The following SLC11A2 variants were observed in gnomAD, a reference collection of about 807,000 sequenced individuals.
SLC11A2 encodes the protein solute carrier family 11 member 2.
SLC11A2 carries 38 observed loss-of-function variants against 68.0 expected under a neutral mutation model. That is an observed-to-expected ratio of 0.56 (90% CI 0.43 to 0.73). The LOEUF is 0.73. Among genes scored for constraint, SLC11A2 ranks in the 30% least tolerant of loss-of-function variants. SLC11A2 has a pLI of 0.00. For missense variants in SLC11A2, 517 were observed against 690.5 expected (o/e 0.75, Z 2.82); for synonymous variants, 242 against 250.6 (o/e 0.97, Z 0.32).
chr12:51,014,852 CAAAAT>C (rs372719318), intron 1 of SLC11A2, among the ~76,000 whole-genome samples: 2 of 150,574 alleles, frequency 1.3e-5, no homozygotes, highest in African/African-American at 4.9e-5. Context: ...AACTCTGTCT[CAAAAT>C]AAAATAAAAT....
chr12:50,968,374 A>T, the SLC11A2 span, among the ~76,000 whole-genome samples: 1 of 151,970 alleles, frequency 6.6e-6, no homozygotes, highest in African/African-American at 2.4e-5. Context: ...CACTCCAGTT[A>T]CACTGATTCT....
intron 5 of SLC11A2, among the ~76,000 whole-genome samples, chr12:51,004,047 G>A (rs1236325421): frequency 1.3e-5 from 2 of 152,190 alleles, no homozygotes; most frequent in Non-Finnish European, 2.9e-5. Flanking sequence ...TATATATTAT[G>A]GGGCATATGG....
chr12:51,015,906 T>G (rs541467427), intron 1 of SLC11A2, among the ~76,000 whole-genome samples: 192 of 152,278 alleles, frequency 1.3e-3, no homozygotes, highest in African/African-American at 4.4e-3. Flanking sequence ...TGCCTCAGCC[T>G]CCCTAGTAGC....
intron 2 of SLC11A2, chr12:51,009,177 C>T: frequency 6.7e-7 from 1 of 1,500,072 alleles, no homozygotes; most frequent in Non-Finnish European, 8.8e-7. Context: ...GTGCAAGTTA[C>T]AAAATCCTGC....
At chr12:50,999,263 T>C in intron 7 of SLC11A2, 22 bp from the exon 8 acceptor site, 1 of 1,613,832 alleles carries the variant, frequency 6.2e-7, no homozygotes, top group Non-Finnish European at 8.5e-7. Flanking sequence ...AAGGCAGCAG[T>C]GAGCTCAGAG....
intron 1 of SLC11A2, among the ~76,000 whole-genome samples, chr12:51,025,213 G>A (rs1944300714): frequency 6.6e-6 from 1 of 152,140 alleles, no homozygotes; most frequent in Non-Finnish European, 1.5e-5. Flanking sequence ...GAGACTCTGA[G>A]CAAAGAATAA....
intron 9 of SLC11A2, among the ~76,000 whole-genome samples, chr12:50,996,612 C>T (rs888163939): frequency 6.6e-6 from 1 of 151,772 alleles, no homozygotes; most frequent in African/African-American, 2.4e-5. Context: ...TTTAGCCCCA[C>T]CTGCTTTATG....
intron 14 of SLC11A2, among the ~76,000 whole-genome samples, chr12:50,991,227 C>T (rs1188524015): frequency 6.6e-6 from 1 of 152,138 alleles, no homozygotes; most frequent in Non-Finnish European, 1.5e-5. Flanking sequence ...ATTTTATTAA[C>T]GTTCCCAAAA....
At chr12:51,021,147 C>A (rs990643854) in intron 1 of SLC11A2, among the ~76,000 whole-genome samples, 1 of 152,146 alleles carries the variant, frequency 6.6e-6, no homozygotes, top group Non-Finnish European at 1.5e-5. Flanking sequence ...ATTTTAAGTA[C>A]ATGGGACGAT....
chr12:50,992,881 C>T lies in SLC11A2; in HGVS notation c.1126G>A (p.Ala376Thr), dbSNP rs1156352582. The T allele has an allele frequency of 1.2e-6, 2 of 1,614,032 alleles. No individual in the cohort carries two copies. The highest frequency in any genetic ancestry group is 1.1e-5 in the South Asian group (1 of 91,074). The part of the protein sequence containing the change: ...YFGPAALYIW[A>T]VGILAAGQSS... The stretch of plus-strand genomic sequence containing the variant: ...TGTCCTGCAGCCAGGATCCCCACTG[C>T]CCAAATGTAGAGTGCAGCAGGCCCA... The change falls in exon 12 of 16, where the codon GCA (alanine) becomes ACA (threonine). Residue 376 changes from alanine to threonine, a missense_variant. Ala to Thr is a moderately conservative substitution (Grantham distance 58). Coordinates refer to ENST00000262052, the MANE Select transcript of SLC11A2 (RefSeq NM_000617.3).
At chr12:50,979,706 T>C (rs769098557), downstream of SLC11A2, 1 of 380,842 alleles carries the variant, frequency 2.6e-6, no homozygotes, top group Non-Finnish European at 5.2e-6. Context: ...GAAGTAGAAA[T>C]GAGGAAATTT....
the SLC11A2 span, among the ~76,000 whole-genome samples, chr12:50,969,719 A>AG: frequency 6.6e-6 from 1 of 151,466 alleles, no homozygotes. Flanking sequence ...AAAAAAACAA[A>AG]AACAAAACGT....
Position 50,987,978 on chromosome 12 carries a change from A to G in SLC11A2, c.*347T>C, listed in dbSNP as rs932848760. 1 of 1,303,500 alleles carries G rather than the reference A, an allele frequency of 7.7e-7. No individual in the cohort carries two copies. Among genetic ancestry groups the G allele is most frequent in the African/African-American group, 1.5e-5 (1 of 66,568 alleles). 80.7% of individuals were successfully genotyped at this position (1,303,500 alleles called of 1,614,324 possible). On this transcript the variant is annotated 3_prime_UTR_variant, in exon 16 of 16. Transcript: ENST00000262052. ...TAATAAAAAATGTATTGCATTTTCC[A>G]ATTTTTTTTTAACATATAGCCTGGT...
chr12:51,008,217 G>A, intron 3 of SLC11A2: 1 of 274,614 alleles, frequency 3.6e-6, no homozygotes, highest in Non-Finnish European at 6.3e-6. Context: ...AAAAAGATTA[G>A]ATAGACAGAT....
At chr12:50,999,286 C>T (rs1280165059) in intron 7 of SLC11A2, 45 bp from the exon 8 acceptor site, 2 of 1,607,460 alleles carry the variant, frequency 1.2e-6, no homozygotes, top group Admixed American at 3.3e-5. Flanking sequence ...GGTAGACTTC[C>T]CCATCTGCCA....
chr12:50,980,258 AC>A (rs1426267984), downstream of SLC11A2: 1 of 190,620 alleles, frequency 5.2e-6, no homozygotes, highest in African/African-American at 2.4e-5. Context: ...AGTGGCTCAC[AC>A]CTGTAATCCC....
intron 1 of SLC11A2, among the ~76,000 whole-genome samples, chr12:51,021,863 C>CAA (rs1459611186): frequency 6.6e-6 from 1 of 152,026 alleles, no homozygotes; most frequent in Non-Finnish European, 1.5e-5. Flanking sequence ...GCCTGGGTGT[C>CAA]AAAAACGATA....
In SLC11A2 at chr12:50,996,902, C is replaced by A. The variant is rs770229023; in HGVS notation, c.746G>T (p.Arg249Leu). The change falls in exon 9 of 16, where the codon CGC (arginine) becomes CTC (leucine). Residue 249 changes from arginine to leucine, a missense_variant. Physicochemically the swap from Arg to Leu is moderately radical, Grantham distance 102 (BLOSUM62 -2). Coordinates refer to ENST00000262052, the MANE Select transcript of SLC11A2 (RefSeq NM_000617.3). Reference sequence around the variant, plus strand: ...CACAGCCTGTTCAATCTGTGGAGTGCGACAGCCTGAACAGGATGGTACGAA... The same window carrying A: ...CACAGCCTGTTCAATCTGTGGAGTGAGACAGCCTGAACAGGATGGTACGAA... ...GMFVPSCSGC[R>L]TPQIEQAVGI... 5 of 1,613,810 alleles carry A rather than the reference C, an allele frequency of 3.1e-6. No homozygotes were observed. Among genetic ancestry groups the A allele is most frequent in the East Asian group, 4.5e-5 (2 of 44,880 alleles).
In SLC11A2 at chr12:51,025,974, G is replaced by A. The variant is rs540881509; in HGVS notation, c.-39+336C>T. ...TTTCGAGGCGTCGAAGCAGGTCAGCGCACCCCGACACAGGCCGGGCGCGCC... is the reference window on the plus strand; with the variant it reads ...TTTCGAGGCGTCGAAGCAGGTCAGCACACCCCGACACAGGCCGGGCGCGCC... On this transcript the variant is annotated intron_variant, in intron 1 of 15. Coordinates refer to ENST00000262052, the MANE Select transcript of SLC11A2 (RefSeq NM_000617.3). 291 of 1,016,164 alleles carry A rather than the reference G, an allele frequency of 2.9e-4. 5 individuals carry two copies. In the South Asian group the frequency reaches 9.8e-3, roughly 34 times the overall value. The allele number at this position is 1,016,164 out of a possible 1,614,324, so 62.9% of individuals were successfully genotyped here.
Sources: allele counts gnomAD v4.1 joint callset (sites outside exome capture counted in the v4.1 genomes callset), GRCh38; gene constraint gnomAD v4.1.1; transcripts MANE v1.5; gene names NCBI Gene and HGNC (gene_info 2026-07-23, HGNC 2026-07-21).